Variants in RELN observed in about 807,000 individuals in gnomAD.
RELN encodes the protein reelin.
A neutral mutation model predicts 427.6 loss-of-function variants in RELN; 108 were observed. That is an observed-to-expected ratio of 0.25 (90% CI 0.22 to 0.30). The LOEUF (loss-of-function observed/expected upper bound fraction) is 0.30. RELN is among the 10% of genes least tolerant of loss of function. The probability of loss-of-function intolerance (pLI) is 1.00; values close to 1 mark genes in which losing one functional copy is unlikely to be tolerated. For missense variants in RELN, 3,715 were observed against 4,302.8 expected, an observed-to-expected ratio of 0.86 and a Z score of 3.82; for synonymous variants, 1,524 against 1,513.4, an observed-to-expected ratio of 1.01 and a Z score of -0.16.
chr7:103,503,611 C>G (rs1349938668), intron 51 of RELN, among the ~76,000 whole-genome samples: 3 of 152,172 alleles, frequency 2.0e-5, no homozygotes, highest in African/African-American at 4.8e-5. Flanking sequence ...ACCAATTTTA[C>G]TATTTTGTTG....
intron 46 of RELN, among the ~76,000 whole-genome samples, chr7:103,529,424 C>A (rs760894197): frequency 1.3e-5 from 2 of 151,104 alleles, no homozygotes; most frequent in South Asian, 4.2e-4. Context: ...CACACTTGAG[C>A]CTTTCAGTGG....
At chr7:103,844,498 A>G (rs1343459047) in intron 2 of RELN, among the ~76,000 whole-genome samples, 3 of 151,984 alleles carry the variant, frequency 2.0e-5, no homozygotes, top group Admixed American at 6.5e-5. Flanking sequence ...AAAGATTAAC[A>G]CATTTTTTCA....
chr7:103,616,355 T>C (rs1457993603), intron 20 of RELN, among the ~76,000 whole-genome samples: 1 of 152,146 alleles, frequency 6.6e-6, no homozygotes, highest in Non-Finnish European at 1.5e-5. Flanking sequence ...CTTTTATTGG[T>C]TATGTTCTTG....
rs2711858 is a variant in RELN, at chr7:103,514,248, T to C, written c.8119+937A>G. Among the ~76,000 whole-genome samples the C allele has an allele frequency of 6.5e-3, 983 of 152,316 alleles. 13 individuals are homozygous for C. Among genetic ancestry groups the C allele is most frequent in the African/African-American group, 0.022 (895 of 41,568 alleles). The stretch of plus-strand genomic sequence containing the variant: ...ATCACTGCTTTATCTGAAGATACCA[T>C]GTTTCATGTAGTATAACAAATATGT... On this transcript the variant is annotated intron_variant, in intron 50 of 64. Transcript: ENST00000428762.
At chr7:103,820,572 A>G (rs1792989846) in intron 3 of RELN, among the ~76,000 whole-genome samples, 1 of 152,098 alleles carries the variant, frequency 6.6e-6, no homozygotes, top group Non-Finnish European at 1.5e-5. Flanking sequence ...AAAACTATTA[A>G]TCAAGGAGTC....
At chr7:103,528,821 A>G (rs1363348960) in intron 46 of RELN, among the ~76,000 whole-genome samples, 1 of 151,326 alleles carries the variant, frequency 6.6e-6, no homozygotes, top group African/African-American at 2.4e-5. Context: ...GAGCCACTGC[A>G]CCCAGCCAAT....
intron 22 of RELN, among the ~76,000 whole-genome samples, chr7:103,608,890 T>C (rs766067096): frequency 1.4e-4 from 21 of 152,054 alleles, no homozygotes; most frequent in Non-Finnish European, 2.5e-4. Context: ...ATAAGAACAA[T>C]AGTTCATAAT....
chr7:103,857,345 T>C (rs540955726), intron 2 of RELN, among the ~76,000 whole-genome samples: 1 of 152,356 alleles, frequency 6.6e-6, no homozygotes, highest in Non-Finnish European at 1.5e-5. Flanking sequence ...TGCAATCACA[T>C]TCCTTGAAAG....
chr7:103,671,349 G>T (rs1404138570), intron 11 of RELN, among the ~76,000 whole-genome samples: 3 of 151,946 alleles, frequency 2.0e-5, no homozygotes, highest in Non-Finnish European at 4.4e-5. Context: ...TTTTGTTTTA[G>T]GTTTTTATGA....
chr7:103,500,277 C>G (rs2117031698), intron 53 of RELN, among the ~76,000 whole-genome samples: 1 of 152,240 alleles, frequency 6.6e-6, no homozygotes, highest in South Asian at 2.1e-4. Context: ...TTTCAGCAGT[C>G]AACGAATCAG....
intron 2 of RELN, among the ~76,000 whole-genome samples, chr7:103,886,859 T>G (rs1794735386): frequency 6.6e-6 from 1 of 152,178 alleles, no homozygotes; most frequent in Non-Finnish European, 1.5e-5. Flanking sequence ...ACCCTTGAAC[T>G]CACTTGCTAG....
At position 103,490,755 on chromosome 7, in the gene RELN, T is replaced by C; in HGVS notation, c.9518A>G (p.Gln3173Arg). The C allele has an allele frequency of 6.2e-7, 1 of 1,614,120 alleles. No individual in the cohort carries two copies. The highest frequency in any genetic ancestry group is 8.5e-7 in the Non-Finnish European group (1 of 1,180,030). Residue 3173 changes from glutamine (Q) to arginine (R), a missense_variant, in exon 59 of 65, where the codon CAG becomes CGG. By Grantham distance (43) the Gln-to-Arg change is conservative (BLOSUM62 1). Transcript: ENST00000428762. ...SSNSIGCSPF[Q>R]FHEATIYNSV... ...GTTGTAGATGGTGGCTTCATGGAAC[T>C]GGAAAGGGGAGCAGCCAATGCTGTT...
At chr7:103,584,034 A>G (rs1310767439) in intron 28 of RELN, among the ~76,000 whole-genome samples, 1 of 152,172 alleles carries the variant, frequency 6.6e-6, no homozygotes, top group African/African-American at 2.4e-5. Flanking sequence ...AACAGCCCCC[A>G]TATCTCCACA....
intron 39 of RELN, 38 bp from the exon 40 acceptor site, chr7:103,553,601 A>C: frequency 1.2e-6 from 2 of 1,613,020 alleles, no homozygotes; most frequent in Non-Finnish European, 1.7e-6. Context: ...CCATTTAGGC[A>C]AAAGTTCATC....
chr7:103,472,719 G>C lies in RELN; in HGVS notation c.*93C>G. On this transcript the variant is annotated 3_prime_UTR_variant, in exon 65 of 65. Coordinates refer to ENST00000428762, the MANE Select transcript of RELN (RefSeq NM_005045.4). ...TCAGGTAATCACCAAGTCCTTCACA[G>C]ATATTTCCTGATATCAGATGTAGTG... 2.0e-6 allele frequency: 2 copies of C among 1,015,920 alleles called. No individual in the cohort carries two copies. 62.9% of individuals were successfully genotyped at this position (1,015,920 alleles called of 1,614,324 possible).
intron 2 of RELN, among the ~76,000 whole-genome samples, chr7:103,839,663 A>C (rs1239883170): frequency 6.6e-6 from 1 of 152,208 alleles, no homozygotes; most frequent in Non-Finnish European, 1.5e-5. Context: ...GTGAAAAGTT[A>C]TTAATAAGGA....
At chr7:103,507,108 C>T (rs1829240240) in intron 51 of RELN, among the ~76,000 whole-genome samples, 1 of 150,620 alleles carries the variant, frequency 6.6e-6, no homozygotes, top group African/African-American at 2.5e-5. Context: ...ACCGCACTGT[C>T]AATATTAGAT....
At chr7:103,623,757 T>C (rs1191138495) in intron 20 of RELN, among the ~76,000 whole-genome samples, 2 of 152,076 alleles carry the variant, frequency 1.3e-5, no homozygotes, top group South Asian at 4.1e-4. Context: ...TGTGGTATAA[T>C]GCTTGCTAAC....
Position 103,968,725 on chromosome 7 carries a change from C to A in RELN, c.226+20406G>T, listed in dbSNP as rs1368324582. Reference sequence around the variant, plus strand: ...CAGTTAGAAAAGGTGAAAATAGAACCCATGAGAAGATGTATTTTTAAATGA... The same window carrying A: ...CAGTTAGAAAAGGTGAAAATAGAACACATGAGAAGATGTATTTTTAAATGA... On this transcript the variant is annotated intron_variant, in intron 1 of 64. Transcript: ENST00000428762. The surrounding 1 kb of genome is among the most constrained non-coding windows in gnomAD (Gnocchi z 4.3). Among the ~76,000 whole-genome samples the A allele has an allele frequency of 3.9e-5, 6 of 151,988 alleles. No individual in the cohort carries two copies. Among genetic ancestry groups the A allele is most frequent in the Middle Eastern group, 3.4e-3 (1 of 292 alleles).
Sources: allele counts gnomAD v4.1 joint callset (sites outside exome capture counted in the v4.1 genomes callset), GRCh38; gene constraint gnomAD v4.1.1; non-coding constraint Gnocchi (gnomAD v3.1); transcripts MANE v1.5; gene names NCBI Gene and HGNC (gene_info 2026-07-23, HGNC 2026-07-21).